Variants in EGFL7 observed in about 807,000 individuals in gnomAD.
EGFL7 encodes the protein EGF like domain multiple 7, also known as epidermal growth factor-like protein 7.
A neutral mutation model predicts 37.1 loss-of-function variants in EGFL7; 48 were observed. The ratio of observed to expected loss-of-function variants is 1.29; its 90% confidence interval spans 1.03 to 1.65. The LOEUF (loss-of-function observed/expected upper bound fraction) is 1.65. Among genes scored for constraint, EGFL7 ranks in the 40% most tolerant of loss-of-function variants. The pLI is 0.00. For missense variants in EGFL7, 384 were observed against 378.9 expected (o/e 1.01, Z -0.11); for synonymous variants, 180 against 156.8 (o/e 1.15, Z -1.10).
upstream of EGFL7, chr9:136,660,180 C>G (rs1269720193): frequency 6.6e-6 from 1 of 152,360 alleles, no homozygotes; most frequent in African/African-American, 2.4e-5. Context: ...CATACCAGAA[C>G]CCGGGGGCAG....
Position 136,672,102 on chromosome 9 carries a change from C to T in EGFL7, c.799+14C>T. The T allele has an allele frequency of 6.5e-7, 1 of 1,544,470 alleles. No individual in the cohort carries two copies. The highest frequency in any genetic ancestry group is 8.7e-7 in the Non-Finnish European group (1 of 1,143,966). On this transcript the variant is annotated intron_variant, in intron 10 of 10. Transcript: ENST00000308874. Reference sequence around the variant, plus strand: ...AGCTGGGGTCCTGTGAGTGCCCCCACCCTCCAGAGCCCTCCTCCCGGGTCT... The same window carrying T: ...AGCTGGGGTCCTGTGAGTGCCCCCATCCTCCAGAGCCCTCCTCCCGGGTCT...
At chr9:136,670,661 T>C in intron 8 of EGFL7, 1 of 767,996 alleles carries the variant, frequency 1.3e-6, no homozygotes, top group Non-Finnish European at 2.4e-6. Flanking sequence ...ACTCGTACCG[T>C]GAGTAATAAT....
In EGFL7 at chr9:136,669,693, C is replaced by T. The variant is rs1411495442; in HGVS notation, c.285C>T (p.Thr95=). The T allele has an allele frequency of 1.9e-6, 3 of 1,603,180 alleles. No individual in the cohort carries two copies. The East Asian group carries it at 6.7e-5, about 36-fold the overall frequency. ...RYACCPGWKR[T]SGLPGACGAA... ...CGTGCTGCCCCGGCTGGAAGAGGAC[C>T]AGCGGGCTTCCTGGGGCCTGTGGAG... The change falls in exon 6 of 11, where the codon ACC becomes ACT. Residue 95 remains threonine (T), a synonymous_variant. Coordinates refer to ENST00000308874, the MANE Select transcript of EGFL7 (RefSeq NM_016215.5).
upstream of EGFL7, chr9:136,659,723 A>C (rs1845019824): frequency 6.6e-6 from 1 of 152,450 alleles, no homozygotes; most frequent in Non-Finnish European, 1.5e-5. Flanking sequence ...CAAGAGAGAC[A>C]ATGGGGAAAC....
chr9:136,660,327 C>T (rs542686136), upstream of EGFL7: 6 of 152,472 alleles, frequency 3.9e-5, no homozygotes, highest in African/African-American at 1.4e-4. Flanking sequence ...GTACCTGCCT[C>T]TGAGGCTCCA....
intron 8 of EGFL7, 74 bp from the exon 9 acceptor site, chr9:136,670,875 TG>T: frequency 7.3e-7 from 1 of 1,376,260 alleles, no homozygotes; most frequent in Non-Finnish European, 1.0e-6. Flanking sequence ...TGCCTCTCCC[TG>T]GGGACAGGAG....
At chr9:136,668,445 G>A in intron 4 of EGFL7, 83 bp downstream of exon 4, 1 of 1,514,226 alleles carries the variant, frequency 6.6e-7, no homozygotes, top group South Asian at 1.2e-5. Context: ...CTCAGCACCT[G>A]TCGGGGACTC....
rs1845751891 is a variant in EGFL7, at chr9:136,670,152, C to A, written c.410-17C>A. ...CCCTCCCGCAGGCATGGCCGCCTGA[C>A]ACCCCGTTTCCTGCAGATGTGGATG... is the stretch of plus-strand genomic sequence containing the variant. On this transcript the variant is annotated splice_polypyrimidine_tract_variant and intron_variant, in intron 7 of 10. Coordinates refer to ENST00000308874, the MANE Select transcript of EGFL7 (RefSeq NM_016215.5). 6.2e-7 allele frequency: 1 copy of A among 1,612,642 alleles called. No individual in the cohort carries two copies. The highest frequency in any genetic ancestry group is 8.5e-7 in the Non-Finnish European group (1 of 1,179,894).
Position 136,666,175 on chromosome 9 carries a change from C to T in EGFL7, c.-43+1390C>T, listed in dbSNP as rs1266897815. 2.7e-5 allele frequency among the ~76,000 whole-genome samples: 4 copies of T among 150,610 alleles called. No homozygotes were observed. The highest frequency in any genetic ancestry group is 4.5e-5 in the Non-Finnish European group (3 of 67,364). On this transcript the variant is annotated intron_variant, in intron 3 of 10. Transcript: ENST00000308874. This position sits in a 1 kb window ranked among gnomAD's most constrained non-coding sequence, Gnocchi z 6.8. ...CCAGCCTGTGCCGCCTGCTCCGCCC[C>T]CCGCGAACCCCGGAGCCAGCAGCGC... is the stretch of plus-strand genomic sequence containing the variant.
chr9:136,659,959 G>A (rs1286163532), upstream of EGFL7, among the ~76,000 whole-genome samples: 2 of 152,124 alleles, frequency 1.3e-5, no homozygotes, highest in Admixed American at 6.5e-5. Flanking sequence ...CGTGGGGCCC[G>A]GCCTGGCTTC....
At position 136,666,019 on chromosome 9, in the gene EGFL7, C is replaced by A. The variant is rs1012886504; in HGVS notation, c.-43+1234C>A. ...CGCCCGCGGCTGGGTCGGGCCGGGC[C>A]GGGAGAATGGGCCCAGCGGCCCCGG... On this transcript the variant is annotated intron_variant, in intron 3 of 10. Coordinates refer to ENST00000308874, the MANE Select transcript of EGFL7 (RefSeq NM_016215.5). The surrounding 1 kb of genome is among the most constrained non-coding windows in gnomAD (Gnocchi z 6.8). Among the ~76,000 whole-genome samples the A allele has an allele frequency of 1.4e-5, 2 of 143,552 alleles. No homozygotes were observed. Among genetic ancestry groups the A allele is most frequent in the Non-Finnish European group, 3.1e-5 (2 of 65,258 alleles). 94.2% of individuals were successfully genotyped at this position (143,552 alleles called of 152,430 possible).
intron 5 of EGFL7, 112 bp from the exon 6 acceptor site, chr9:136,669,494 C>T: frequency 1.3e-6 from 1 of 756,880 alleles, no homozygotes; most frequent in Middle Eastern, 2.3e-4. Context: ...GGAGAAGACC[C>T]TTGGGGGCAT....
Position 136,672,355 on chromosome 9 carries a change from T to C in EGFL7, c.*69T>C. ...GCAGCCCCCATGCCCCTGCCCAACA[T>C]GCTGGGGGTCCAGAAACCACCTCGG... On this transcript the variant is annotated 3_prime_UTR_variant, in exon 11 of 11. Coordinates refer to ENST00000308874, the MANE Select transcript of EGFL7 (RefSeq NM_016215.5). The C allele has an allele frequency of 1.2e-6, 2 of 1,601,560 alleles. No individual in the cohort carries two copies. The highest frequency in any genetic ancestry group is 2.2e-5 in the East Asian group (1 of 44,762).
intron 9 of EGFL7, 106 bp from the exon 10 acceptor site, chr9:136,671,820 C>T (rs554810248): frequency 5.3e-5 from 72 of 1,363,384 alleles, no homozygotes; most frequent in African/African-American, 4.5e-4. Flanking sequence ...GCCGCGGAGG[C>T]GGGGGCTGGA....
chr9:136,669,635 G>C lies in EGFL7; in HGVS notation c.227G>C (p.Ser76Thr), dbSNP rs1406443513. Residue 76 changes from serine (S) to threonine (T), a missense_variant, in exon 6 of 11, where the codon AGC becomes ACC. Physicochemically the swap from Ser to Thr is moderately conservative, Grantham distance 58. Transcript: ENST00000308874. ...ATCTATAGGACCGCCTACCGCCGCAGCCCTGGGCTGGCCCCTGCCAGGCCT... is the reference window on the plus strand; with the variant it reads ...ATCTATAGGACCGCCTACCGCCGCACCCCTGGGCTGGCCCCTGCCAGGCCT... ...RTIYRTAYRRSPGLAPARPRY... is the reference protein window; with the variant it reads ...RTIYRTAYRRTPGLAPARPRY... 6.2e-7 allele frequency: 1 copy of C among 1,611,390 alleles called. No homozygotes were observed. The highest frequency in any genetic ancestry group is 8.5e-7 in the Non-Finnish European group (1 of 1,179,496).
upstream of EGFL7, among the ~76,000 whole-genome samples, chr9:136,662,138 C>T (rs1203395329): frequency 1.3e-5 from 2 of 152,174 alleles, no homozygotes; most frequent in Admixed American, 1.3e-4. Context: ...TGTGATCACC[C>T]ACAGTGTCCC....
Position 136,672,605 on chromosome 9 carries a change from G to A in EGFL7, c.*319G>A, listed in dbSNP as rs1446171947. 2.0e-6 allele frequency: 1 copy of A among 506,650 alleles called. No individual in the cohort carries two copies. The highest frequency in any genetic ancestry group is 3.5e-6 in the Non-Finnish European group (1 of 282,076). 31.4% of individuals were successfully genotyped at this position (506,650 alleles called of 1,614,324 possible). ...AGCCTGGGACCCATGGCACAGGCCAGGCAGCCCGGAGGCTGGGTGGGGCCT... is the reference window on the plus strand; with the variant it reads ...AGCCTGGGACCCATGGCACAGGCCAAGCAGCCCGGAGGCTGGGTGGGGCCT... On this transcript the variant is annotated 3_prime_UTR_variant, in exon 11 of 11. Coordinates refer to ENST00000308874, the MANE Select transcript of EGFL7 (RefSeq NM_016215.5).
chr9:136,665,849 T>G (rs1305133285), intron 3 of EGFL7: 1 of 139,462 alleles, frequency 7.2e-6, no homozygotes, highest in South Asian at 2.2e-4. Context: ...CGCGCCGGGG[T>G]CGGGGTCCGG....
At chr9:136,671,856 C>G (rs919681370) in intron 9 of EGFL7, 70 bp from the exon 10 acceptor site, 1 of 1,429,182 alleles carries the variant, frequency 7.0e-7, no homozygotes, top group Non-Finnish European at 9.1e-7. Flanking sequence ...TCCCAGGGGT[C>G]CTCCCTAGAC....
Sources: gnomAD v4.1 joint callset for allele counts (sites outside exome capture counted in the v4.1 genomes callset) on GRCh38, gnomAD v4.1.1 for gene constraint, Gnocchi (gnomAD v3.1) non-coding constraint, MANE v1.5 for transcripts, NCBI Gene and HGNC (gene_info 2026-07-23, HGNC 2026-07-21) for gene names.